GRM8: variants seen among roughly 807,000 people sequenced by gnomAD.
GRM8 encodes the protein glutamate metabotropic receptor 8, also known as metabotropic glutamate receptor 8.
A neutral mutation model predicts 87.2 loss-of-function variants in GRM8; 47 were observed. The observed-to-expected ratio is 0.54, with a 90% CI of 0.43 to 0.69. GRM8 has a LOEUF of 0.69. Among genes scored for constraint, GRM8 ranks in the 30% least tolerant of loss-of-function variants. The pLI is 0.00. For synonymous variants in GRM8, 396 were observed against 404.5 expected (o/e 0.98, Z 0.25); for missense variants, 1,019 against 1,139.2 (o/e 0.89, Z 1.52).
At chr7:126,557,864 C>T (rs1386256044) in intron 8 of GRM8, among the ~76,000 whole-genome samples, 4 of 151,984 alleles carry the variant, frequency 2.6e-5, no homozygotes, top group Admixed American at 6.6e-5. Flanking sequence ...TTGCTAGGCA[C>T]ATGGTGAATA....
intron 6 of GRM8, among the ~76,000 whole-genome samples, chr7:126,848,383 A>C (rs1384158266): frequency 6.6e-6 from 1 of 152,206 alleles, no homozygotes; most frequent in Non-Finnish European, 1.5e-5. Flanking sequence ...AATTTTGAAC[A>C]CTTAGCACCA....
chr7:126,840,769 T>C (rs1563238751), intron 6 of GRM8, among the ~76,000 whole-genome samples: 1 of 152,224 alleles, frequency 6.6e-6, no homozygotes, highest in Non-Finnish European at 1.5e-5. Context: ...GATAATTTCC[T>C]ATCAATTTAA....
At chr7:127,235,744 C>G (rs993877303) in intron 2 of GRM8, among the ~76,000 whole-genome samples, 2 of 152,172 alleles carry the variant, frequency 1.3e-5, no homozygotes, top group Non-Finnish European at 2.9e-5. Context: ...TTAACTGGTC[C>G]TGGCTAGGGT....
intron 3 of GRM8, among the ~76,000 whole-genome samples, chr7:126,965,669 GT>G (rs1403496280): frequency 6.6e-6 from 1 of 151,894 alleles, no homozygotes; most frequent in Admixed American, 6.6e-5. Flanking sequence ...TACCATAAGG[GT>G]TTTTTCCCTA....
At chr7:127,143,570 T>C (rs1828393542) in intron 2 of GRM8, among the ~76,000 whole-genome samples, 1 of 152,086 alleles carries the variant, frequency 6.6e-6, no homozygotes, top group African/African-American at 2.4e-5. Flanking sequence ...GGAGAAATCA[T>C]TATCTGCATT....
chr7:126,751,331 T>C (rs1206289234), intron 7 of GRM8, among the ~76,000 whole-genome samples: 1 of 152,180 alleles, frequency 6.6e-6, no homozygotes, highest in Non-Finnish European at 1.5e-5. Flanking sequence ...CTTAAGTTTC[T>C]GCTCTGTATT....
intron 1 of GRM8, among the ~76,000 whole-genome samples, chr7:127,244,645 G>C (rs1303931286): frequency 2.0e-5 from 3 of 152,068 alleles, no homozygotes; most frequent in African/African-American, 7.2e-5. Flanking sequence ...CAGTTCTCCT[G>C]TACCCTAGCC....
rs187281762 is a variant in GRM8 at position 126,971,760 on chromosome 7, A to G, written c.728-67077T>C. 6.9e-4 allele frequency among the ~76,000 whole-genome samples: 105 copies of G among 152,322 alleles called. 1 individual carries two copies. The highest frequency in any genetic ancestry group is 2.0e-3 in the African/African-American group (85 of 41,576). On this transcript the variant is annotated intron_variant, in intron 3 of 10. Coordinates refer to ENST00000339582, the MANE Select transcript of GRM8 (RefSeq NM_000845.3). ...TGGACTCCCAGTATAGAGACCAAATAGCAACAGGAGCACAGGCAGCAATAA... is the reference window on the plus strand; with the variant it reads ...TGGACTCCCAGTATAGAGACCAAATGGCAACAGGAGCACAGGCAGCAATAA...
intron 6 of GRM8, among the ~76,000 whole-genome samples, chr7:126,884,737 C>T (rs2131023855): frequency 6.6e-6 from 1 of 152,156 alleles, no homozygotes; most frequent in East Asian, 1.9e-4. Flanking sequence ...GGCACAGTGG[C>T]CACAAAGATA....
intron 7 of GRM8, among the ~76,000 whole-genome samples, chr7:126,671,946 T>G (rs1470071499): frequency 6.6e-6 from 1 of 152,166 alleles, no homozygotes; most frequent in Non-Finnish European, 1.5e-5. Context: ...GAGACACATT[T>G]TTGTCTGAAA....
chr7:126,724,711 T>G (rs1032296182), intron 7 of GRM8, among the ~76,000 whole-genome samples: 4 of 150,796 alleles, frequency 2.7e-5, no homozygotes, highest in African/African-American at 9.8e-5. Flanking sequence ...AATATGTGCC[T>G]GAAAAGGGAC....
chr7:126,632,836 C>A (rs1056911093), intron 7 of GRM8, among the ~76,000 whole-genome samples: 1 of 151,952 alleles, frequency 6.6e-6, no homozygotes, highest in African/African-American at 2.4e-5. Context: ...GAATGATGGG[C>A]ACCTATGGAG....
At chr7:126,831,015 G>A (rs570088953) in intron 6 of GRM8, among the ~76,000 whole-genome samples, 12 of 152,154 alleles carry the variant, frequency 7.9e-5, no homozygotes, top group African/African-American at 1.9e-4. Context: ...CTGCAGAACC[G>A]CGGATTTTCG....
chr7:127,216,511 C>T (rs1371043324), intron 2 of GRM8, among the ~76,000 whole-genome samples: 2 of 112,896 alleles, frequency 1.8e-5, no homozygotes, highest in East Asian at 4.6e-4. Context: ...GAGCGAGACT[C>T]CGTCTCAAAA....
intron 2 of GRM8, among the ~76,000 whole-genome samples, chr7:127,188,958 T>C (rs900768091): frequency 1.3e-5 from 2 of 152,212 alleles, no homozygotes; most frequent in Non-Finnish European, 2.9e-5. Context: ...GAAAGGAACT[T>C]TTATTTTCTC....
intron 7 of GRM8, among the ~76,000 whole-genome samples, chr7:126,765,865 T>C (rs1470058906): frequency 6.6e-6 from 1 of 152,054 alleles, no homozygotes; most frequent in Non-Finnish European, 1.5e-5. Flanking sequence ...AGAATGTGCT[T>C]AAAATACAGA....
At chr7:126,453,070 AACACACACACAC>A (rs71177555) in intron 9 of GRM8, among the ~76,000 whole-genome samples, 1,701 of 145,878 alleles carry the variant, frequency 0.012, 17 homozygotes, top group Middle Eastern at 0.021. Context: ...TTATAGCAGA[AACACACACACAC>A]ACACACACAC....
chr7:127,023,817 T>C (rs762612465), intron 3 of GRM8, among the ~76,000 whole-genome samples: 1 of 152,076 alleles, frequency 6.6e-6, no homozygotes, highest in Non-Finnish European at 1.5e-5. Context: ...CTCATTAAAG[T>C]GAGGCCCTCC....
At chr7:126,668,220 C>G (rs969288609) in intron 7 of GRM8, among the ~76,000 whole-genome samples, 6 of 152,090 alleles carry the variant, frequency 3.9e-5, no homozygotes, top group African/African-American at 1.4e-4. Context: ...TCCATTAAAA[C>G]CCTACTTTAC....
Sources: gnomAD v4.1 joint callset for allele counts (sites outside exome capture counted in the v4.1 genomes callset) on GRCh38, gnomAD v4.1.1 for gene constraint, MANE v1.5 for transcripts, NCBI Gene and HGNC (gene_info 2026-07-23, HGNC 2026-07-21) for gene names.